Variants in PTPRD observed in about 807,000 individuals in gnomAD.
The protein encoded by PTPRD is protein tyrosine phosphatase receptor type D, also known as receptor-type tyrosine-protein phosphatase delta.
Under a neutral mutation model 214.5 loss-of-function variants are expected in PTPRD, and 34 were observed. That is an observed-to-expected ratio of 0.16 (90% CI 0.12 to 0.21). PTPRD has a LOEUF of 0.21. PTPRD is among the 10% of genes least tolerant of loss of function. PTPRD has a pLI of 1.00. For missense variants in PTPRD, 2,545 were observed against 2,398.7 expected, an observed-to-expected ratio of 1.06 and a Z score of -1.27; for synonymous variants, 1,128 against 845.7, an observed-to-expected ratio of 1.33 and a Z score of -5.79.
chr9:8,472,497 G>T (rs1160919246), intron 30 of PTPRD, among the ~76,000 whole-genome samples: 1 of 152,156 alleles, frequency 6.6e-6, no homozygotes, highest in African/African-American at 2.4e-5. Flanking sequence ...TTTCCATTAA[G>T]AGTCTAGAGC....
chr9:10,566,982 T>C (rs1458316745), intron 2 of PTPRD, among the ~76,000 whole-genome samples: 1 of 152,136 alleles, frequency 6.6e-6, no homozygotes, highest in African/African-American at 2.4e-5. Flanking sequence ...ATGTTTTATT[T>C]ACTCTATAAA....
intron 9 of PTPRD, among the ~76,000 whole-genome samples, chr9:9,363,550 G>A (rs1007284211): frequency 1.9e-4 from 29 of 151,262 alleles, no homozygotes; most frequent in African/African-American, 7.0e-4. Flanking sequence ...AGCTTTTAGG[G>A]GACTGAGATT....
rs1429692529 is a variant in PTPRD, at chr9:10,007,264, T to C, written c.-472+26454A>G. On this transcript the variant is annotated intron_variant, in intron 4 of 45. Transcript: ENST00000381196. Reference sequence around the variant, plus strand: ...CATTTTTATTACTTTTACTTTATCATGTTGGAAAAATAGATCAGAGGAAAA... The same window carrying C: ...CATTTTTATTACTTTTACTTTATCACGTTGGAAAAATAGATCAGAGGAAAA... Among the ~76,000 whole-genome samples, 6 of 152,076 alleles carry C rather than the reference T, an allele frequency of 3.9e-5. No individual in the cohort carries two copies. In the East Asian group the frequency reaches 7.7e-4, roughly 20 times the overall value.
At chr9:10,589,917 A>T (rs763008358) in intron 2 of PTPRD, among the ~76,000 whole-genome samples, 6 of 152,118 alleles carry the variant, frequency 3.9e-5, no homozygotes, top group Admixed American at 3.3e-4. Flanking sequence ...AGAATATTTT[A>T]AAAACAAATT....
At chr9:10,461,949 A>G (rs893688730) in intron 2 of PTPRD, among the ~76,000 whole-genome samples, 5 of 152,156 alleles carry the variant, frequency 3.3e-5, no homozygotes, top group Admixed American at 6.6e-5. Context: ...AAATTTTAAA[A>G]AAGATCAAAT....
At chr9:8,848,597 G>A (rs1037678373) in intron 11 of PTPRD, among the ~76,000 whole-genome samples, 1 of 148,290 alleles carries the variant, frequency 6.7e-6, no homozygotes, top group Non-Finnish European at 1.5e-5. Flanking sequence ...CTCCTGTCTT[G>A]GCCTCCAACA....
intron 2 of PTPRD, among the ~76,000 whole-genome samples, chr9:10,407,488 G>T (rs1178974234): frequency 6.6e-6 from 1 of 151,434 alleles, no homozygotes; most frequent in Non-Finnish European, 1.5e-5. Context: ...TAGTTGGTTG[G>T]CTAGCACCAT....
At chr9:9,612,398 C>T (rs2094562167) in intron 7 of PTPRD, among the ~76,000 whole-genome samples, 1 of 152,188 alleles carries the variant, frequency 6.6e-6, no homozygotes, top group Non-Finnish European at 1.5e-5. Context: ...AATCATGTAA[C>T]TAGCAGCAGA....
At chr9:8,670,322 C>T (rs1242941810) in intron 12 of PTPRD, among the ~76,000 whole-genome samples, 1 of 152,120 alleles carries the variant, frequency 6.6e-6, no homozygotes, top group Non-Finnish European at 1.5e-5. Flanking sequence ...CCTCCCCTGA[C>T]CTGTAGTAAC....
intron 4 of PTPRD, among the ~76,000 whole-genome samples, chr9:9,964,569 G>C (rs927917306): frequency 6.6e-6 from 1 of 152,166 alleles, no homozygotes; most frequent in African/African-American, 2.4e-5. Flanking sequence ...CTTGACGTGG[G>C]TTAGGAGTGG....
At chr9:9,969,673 C>A (rs1448023563) in intron 4 of PTPRD, among the ~76,000 whole-genome samples, 2 of 152,216 alleles carry the variant, frequency 1.3e-5, no homozygotes, top group African/African-American at 2.4e-5. Context: ...GGGGCTGCCG[C>A]TTCTACTGCC....
intron 9 of PTPRD, among the ~76,000 whole-genome samples, chr9:9,201,344 G>T (rs1047452206): frequency 2.0e-5 from 3 of 152,088 alleles, no homozygotes; most frequent in Non-Finnish European, 2.9e-5. Flanking sequence ...TATTTTTCTC[G>T]ATTGAAGAAA....
chr9:8,883,327 T>C (rs1259332830), intron 11 of PTPRD, among the ~76,000 whole-genome samples: 2 of 152,214 alleles, frequency 1.3e-5, no homozygotes, highest in African/African-American at 2.4e-5. Context: ...ATTTGTTCTG[T>C]GTGGAGTAAG....
chr9:10,412,623 C>G (rs531599362), intron 2 of PTPRD, among the ~76,000 whole-genome samples: 1 of 68,484 alleles, frequency 1.5e-5, no homozygotes, highest in Non-Finnish European at 2.7e-5. Context: ...CGCACGCACA[C>G]ACACACACAA....
chr9:9,557,610 C>T (rs1180264990), intron 8 of PTPRD, among the ~76,000 whole-genome samples: 2 of 152,224 alleles, frequency 1.3e-5, no homozygotes, highest in African/African-American at 4.8e-5. Flanking sequence ...ACCATCCATT[C>T]TTTCTGAAGA....
intron 8 of PTPRD, among the ~76,000 whole-genome samples, chr9:9,518,148 T>G (rs2096881147): frequency 6.6e-6 from 1 of 152,068 alleles, no homozygotes; most frequent in African/African-American, 2.4e-5. Context: ...TAATTTGGGA[T>G]TTTTAACTTT....
At chr9:9,630,284 T>A (rs1216112753) in intron 7 of PTPRD, among the ~76,000 whole-genome samples, 1 of 152,172 alleles carries the variant, frequency 6.6e-6, no homozygotes, top group African/African-American at 2.4e-5. Flanking sequence ...GTGTTGGTTT[T>A]ATATAGCAAA....
At chr9:9,379,138 TTA>T (rs1208525881) in intron 9 of PTPRD, among the ~76,000 whole-genome samples, 1 of 150,538 alleles carries the variant, frequency 6.6e-6, no homozygotes, top group Admixed American at 6.7e-5. Flanking sequence ...AGTTTTGCAT[TTA>T]TGTCTATGAT....
chr9:8,356,684 T>A (rs2077066642), intron 39 of PTPRD, among the ~76,000 whole-genome samples: 1 of 152,232 alleles, frequency 6.6e-6, no homozygotes, highest in Non-Finnish European at 1.5e-5. Flanking sequence ...TATTGACAGC[T>A]GTTTGTTCTG....
Sources: allele counts gnomAD v4.1 joint callset (sites outside exome capture counted in the v4.1 genomes callset), GRCh38; gene constraint gnomAD v4.1.1; transcripts MANE v1.5; gene names NCBI Gene and HGNC (gene_info 2026-07-23, HGNC 2026-07-21).